NRG1: variants seen among roughly 807,000 people sequenced by gnomAD.
NRG1 encodes the protein pro-neuregulin-1, membrane-bound isoform.
A neutral mutation model predicts 63.8 loss-of-function variants in NRG1; 18 were observed. That is an observed-to-expected ratio of 0.28 (90% CI 0.19 to 0.42). The LOEUF is 0.42. Among genes scored for constraint, NRG1 ranks in the 10% least tolerant of loss-of-function variants. The probability of loss-of-function intolerance (pLI) is 1.00; values close to 1 mark genes in which losing one functional copy is unlikely to be tolerated. For synonymous variants in NRG1, 302 were observed against 301.3 expected (o/e 1.00, Z -0.02); for missense variants, 762 against 814.7 (o/e 0.94, Z 0.79).
chr8:32,072,909 T>C (rs1163589679), intron 1 of NRG1, among the ~76,000 whole-genome samples: 1 of 152,154 alleles, frequency 6.6e-6, no homozygotes, highest in African/African-American at 2.4e-5. Context: ...TTCACTTCTA[T>C]TATTAACATC....
intron 1 of NRG1, among the ~76,000 whole-genome samples, chr8:32,255,697 C>T (rs1272685998): frequency 6.6e-6 from 1 of 152,118 alleles, no homozygotes; most frequent in Non-Finnish European, 1.5e-5. Context: ...TGGGGTTGCT[C>T]TTCTTGAGGA....
intron 1 of NRG1, among the ~76,000 whole-genome samples, chr8:32,192,511 T>C (rs557733201): frequency 6.6e-6 from 1 of 152,164 alleles, no homozygotes; most frequent in South Asian, 2.1e-4. Flanking sequence ...ATGCCACGTG[T>C]TCTCACTTTT....
intron 1 of NRG1, among the ~76,000 whole-genome samples, chr8:32,326,081 C>G (rs1240893462): frequency 2.0e-5 from 3 of 150,284 alleles, no homozygotes. Context: ...GTGATCTAGG[C>G]TCACTGCAAC....
intron 5 of NRG1, among the ~76,000 whole-genome samples, chr8:32,662,714 T>G (rs995037582): frequency 6.6e-6 from 1 of 152,190 alleles, no homozygotes; most frequent in African/African-American, 2.4e-5. Context: ...TAGAATGATG[T>G]AATGATGAAT....
chr8:31,829,847 G>A (rs1372540701), intron 1 of NRG1, among the ~76,000 whole-genome samples: 1 of 152,222 alleles, frequency 6.6e-6, no homozygotes, highest in Non-Finnish European at 1.5e-5. Flanking sequence ...AGAGCCAGCT[G>A]AGCAGTGCGA....
At chr8:31,828,640 AG>A (rs1278187116) in intron 1 of NRG1, among the ~76,000 whole-genome samples, 1 of 152,178 alleles carries the variant, frequency 6.6e-6, no homozygotes, top group African/African-American at 2.4e-5. Flanking sequence ...GGAATTACAC[AG>A]TGGGTGGCAC....
intron 1 of NRG1, among the ~76,000 whole-genome samples, chr8:32,155,795 AATGCAAT>A (rs1837997869): frequency 1.3e-5 from 2 of 152,140 alleles, no homozygotes; most frequent in South Asian, 4.2e-4. Flanking sequence ...CCATTTTACC[AATGCAAT>A]ATAGAAACTT....
At chr8:31,822,952 T>A (rs1007911671) in intron 1 of NRG1, among the ~76,000 whole-genome samples, 1 of 152,054 alleles carries the variant, frequency 6.6e-6, no homozygotes, top group Admixed American at 6.6e-5. Context: ...CTACAAATAT[T>A]AGCTCTGACA....
At chr8:32,226,507 G>A (rs1846341340) in intron 1 of NRG1, among the ~76,000 whole-genome samples, 1 of 151,902 alleles carries the variant, frequency 6.6e-6, no homozygotes, top group Non-Finnish European at 1.5e-5. Flanking sequence ...GTCTTTTTCT[G>A]GCATTTGAAC....
At chr8:31,895,959 T>C (rs1831543479) in intron 1 of NRG1, among the ~76,000 whole-genome samples, 1 of 152,244 alleles carries the variant, frequency 6.6e-6, no homozygotes, top group African/African-American at 2.4e-5. Context: ...AGTATATATA[T>C]GCTTTAAAGT....
intron 1 of NRG1, among the ~76,000 whole-genome samples, chr8:32,527,993 G>A (rs1457629325): frequency 2.0e-5 from 3 of 152,128 alleles, no homozygotes; most frequent in Non-Finnish European, 4.4e-5. Context: ...ACTGGTACAT[G>A]TGCCGTTCCC....
At chr8:31,841,751 T>TA (rs1826221942) in intron 1 of NRG1, among the ~76,000 whole-genome samples, 1 of 152,176 alleles carries the variant, frequency 6.6e-6, no homozygotes, top group Non-Finnish European at 1.5e-5. Context: ...TCAACTGATT[T>TA]AAAAAATTAA....
intron 1 of NRG1, among the ~76,000 whole-genome samples, chr8:32,093,230 G>T (rs1005970939): frequency 6.6e-6 from 1 of 152,166 alleles, no homozygotes; most frequent in Non-Finnish European, 1.5e-5. Context: ...AAGTTTAATG[G>T]ATTTAGGGCT....
chr8:32,317,304 T>A (rs1192697233), intron 1 of NRG1, among the ~76,000 whole-genome samples: 1 of 152,224 alleles, frequency 6.6e-6, no homozygotes, highest in Non-Finnish European at 1.5e-5. Flanking sequence ...ATTTGGTTTT[T>A]AATAACTTAC....
At chr8:31,678,562 T>C (rs137873194) in intron 1 of NRG1, among the ~76,000 whole-genome samples, 117 of 152,042 alleles carry the variant, frequency 7.7e-4, no homozygotes, top group African/African-American at 2.7e-3. Flanking sequence ...TTTTTCCATA[T>C]ATATTTTTTT....
intron 1 of NRG1, among the ~76,000 whole-genome samples, chr8:32,317,649 G>A (rs1352337919): frequency 6.6e-6 from 1 of 152,102 alleles, no homozygotes; most frequent in Non-Finnish European, 1.5e-5. Context: ...AGAACTCCTA[G>A]CTCGAAATCA....
chr8:32,354,012 G>C (rs1166010640), intron 1 of NRG1, among the ~76,000 whole-genome samples: 2 of 152,300 alleles, frequency 1.3e-5, no homozygotes, highest in East Asian at 3.9e-4. Flanking sequence ...ATGAACAATT[G>C]ACACATGCTA....
chr8:32,032,440 A>G (rs954229879), intron 1 of NRG1, among the ~76,000 whole-genome samples: 1 of 151,654 alleles, frequency 6.6e-6, no homozygotes, highest in Non-Finnish European at 1.5e-5. Context: ...CTTTTTTCGT[A>G]TTTTTAGTAG....
intron 1 of NRG1, among the ~76,000 whole-genome samples, chr8:32,006,685 G>GC (rs1213283901): frequency 1.3e-5 from 2 of 152,000 alleles, no homozygotes; most frequent in Admixed American, 6.6e-5. Flanking sequence ...TCACAGCTGA[G>GC]CATCAGCAAA....
Sources: allele counts gnomAD v4.1 joint callset (sites outside exome capture counted in the v4.1 genomes callset), GRCh38; gene constraint gnomAD v4.1.1; transcripts MANE v1.5; gene names NCBI Gene and HGNC (gene_info 2026-07-23, HGNC 2026-07-21).